KALRN: variants seen among roughly 807,000 people sequenced by gnomAD.
KALRN encodes the protein kalirin.
In KALRN, 70 loss-of-function variants were observed where a neutral mutation model predicts 353.7. The observed-to-expected ratio is 0.20, with a 90% CI of 0.16 to 0.24. The LOEUF is 0.24. Among genes scored for constraint, KALRN ranks in the 10% least tolerant of loss-of-function variants. The probability of loss-of-function intolerance (pLI) is 1.00; values close to 1 mark genes in which losing one functional copy is unlikely to be tolerated. For synonymous variants in KALRN, 1,391 were observed against 1,434.8 expected (o/e 0.97, Z 0.69); for missense variants, 2,791 against 3,756.7 (o/e 0.74, Z 6.72).
intron 1 of KALRN, among the ~76,000 whole-genome samples, chr3:124,196,487 A>G (rs978052887): frequency 6.6e-6 from 1 of 152,148 alleles, no homozygotes; most frequent in Non-Finnish European, 1.5e-5. Context: ...ATATCAAAGA[A>G]ATTCCTCAGG....
At chr3:124,652,421 G>C (rs1259596844) in intron 38 of KALRN, among the ~76,000 whole-genome samples, 2 of 152,222 alleles carry the variant, frequency 1.3e-5, no homozygotes, top group Non-Finnish European at 2.9e-5. Context: ...AAATTTCCTA[G>C]CACTTGCACA....
chr3:124,384,732 G>A (rs538876960), intron 10 of KALRN, 113 bp from the exon 11 acceptor site: 4 of 1,030,588 alleles, frequency 3.9e-6, no homozygotes, highest in African/African-American at 3.2e-5. Context: ...GCCAGATCAG[G>A]GAGCTGTCAG....
At chr3:124,665,613 C>T (rs1378976831) in intron 45 of KALRN, among the ~76,000 whole-genome samples, 1 of 152,180 alleles carries the variant, frequency 6.6e-6, no homozygotes, top group Non-Finnish European at 1.5e-5. Flanking sequence ...TACAGGCACA[C>T]GCCACCACCC....
intron 27 of KALRN, 77 bp from the exon 28 acceptor site, chr3:124,482,731 T>C: frequency 1.1e-6 from 1 of 943,590 alleles, no homozygotes. Flanking sequence ...TTCTGACCCC[T>C]GCCTTTCTCC....
At chr3:124,145,341 G>C (rs1222478465) in intron 1 of KALRN, among the ~76,000 whole-genome samples, 4 of 152,166 alleles carry the variant, frequency 2.6e-5, no homozygotes, top group Non-Finnish European at 5.9e-5. Context: ...CGTTGGAATT[G>C]CCTATGGAAC....
At chr3:124,101,936 G>A (rs531191891) in intron 1 of KALRN, among the ~76,000 whole-genome samples, 1 of 152,228 alleles carries the variant, frequency 6.6e-6, no homozygotes, top group East Asian at 1.9e-4. Flanking sequence ...AGCATGATGT[G>A]TGGGTTCTTT....
chr3:124,375,633 T>C (rs1490598405), intron 10 of KALRN, among the ~76,000 whole-genome samples: 2 of 152,238 alleles, frequency 1.3e-5, no homozygotes, highest in East Asian at 3.8e-4. Context: ...AAATTATACC[T>C]TGTAACTAGT....
intron 33 of KALRN, among the ~76,000 whole-genome samples, chr3:124,530,790 C>G (rs1167543048): frequency 6.6e-6 from 1 of 152,106 alleles, no homozygotes. Context: ...TTATAACTCT[C>G]TCCCTTTCTT....
At position 124,329,849 on chromosome 3, in the gene KALRN, A is replaced by G; in HGVS notation, c.1285-12A>G. 2 of 1,612,088 alleles carry G rather than the reference A, an allele frequency of 1.2e-6. No individual in the cohort carries two copies. The highest frequency in any genetic ancestry group is 1.7e-5 in the Admixed American group (1 of 59,928). On this transcript the variant is annotated splice_polypyrimidine_tract_variant and intron_variant, in intron 7 of 59. Coordinates refer to ENST00000682506, the MANE Select transcript of KALRN (RefSeq NM_001388419.1). ...GTGCTCCCCCACTGATCCACCCTGC[A>G]TCTCCTTCCAGTTCCTGTCGGGAGT...
intron 1 of KALRN, among the ~76,000 whole-genome samples, chr3:124,061,016 C>A (rs2041954496): frequency 6.6e-6 from 1 of 152,220 alleles, no homozygotes; most frequent in African/African-American, 2.4e-5. Context: ...ACTTACAAAG[C>A]ACAGGTTCAA....
At chr3:124,363,043 A>G (rs34157889) in intron 10 of KALRN, among the ~76,000 whole-genome samples, 28,972 of 152,176 alleles carry the variant, frequency 0.19, 3,609 homozygotes, top group East Asian at 0.61. Context: ...TGATCATTGT[A>G]TATTACATAC....
chr3:124,079,253 G>A (rs1420397812), intron 1 of KALRN, among the ~76,000 whole-genome samples: 1 of 152,260 alleles, frequency 6.6e-6, no homozygotes, highest in Non-Finnish European at 1.5e-5. Flanking sequence ...CAGGAAACTT[G>A]ATACCAGAGA....
At chr3:124,586,376 T>C (rs569636384) in intron 34 of KALRN, among the ~76,000 whole-genome samples, 4 of 152,304 alleles carry the variant, frequency 2.6e-5, no homozygotes, top group Non-Finnish European at 4.4e-5. Context: ...ATGTGGGGGC[T>C]GGGGTGGTGC....
intron 13 of KALRN, among the ~76,000 whole-genome samples, chr3:124,402,722 C>T (rs1243956110): frequency 6.6e-6 from 1 of 152,052 alleles, no homozygotes; most frequent in Non-Finnish European, 1.5e-5. Context: ...TCGGTCACTG[C>T]CTAATAATTT....
intron 2 of KALRN, among the ~76,000 whole-genome samples, chr3:124,229,685 G>A (rs562897132): frequency 1.7e-3 from 252 of 152,392 alleles, no homozygotes; most frequent in African/African-American, 5.9e-3. Context: ...GAGAAAAGGC[G>A]AGAGCCTGAT....
chr3:124,039,324 T>C (rs1051458552), intron 1 of KALRN, among the ~76,000 whole-genome samples: 1 of 152,256 alleles, frequency 6.6e-6, no homozygotes, highest in Non-Finnish European at 1.5e-5. Context: ...TTACTCACTG[T>C]CTGTACTCAT....
Position 124,242,662 on chromosome 3 carries a change from T to G in KALRN, c.263+7719T>G, listed in dbSNP as rs549196717. On this transcript the variant is annotated intron_variant, in intron 3 of 59. Transcript: ENST00000682506. ...CGCTTCAGACTTCCTTTCCTGAAGC[T>G]TCTCTTTGGAACCTAAGTGTGAAGG... Among the ~76,000 whole-genome samples, 5 of 152,324 alleles carry G rather than the reference T, an allele frequency of 3.3e-5. No individual in the cohort carries two copies. The East Asian group carries it at 9.6e-4, about 29-fold the overall frequency.
At chr3:124,232,166 G>A (rs2079236437) in intron 2 of KALRN, among the ~76,000 whole-genome samples, 1 of 152,120 alleles carries the variant, frequency 6.6e-6, no homozygotes, top group Non-Finnish European at 1.5e-5. Context: ...TTTATATGGT[G>A]CATTAGCTCC....
chr3:124,235,855 A>G (rs1294817414), intron 3 of KALRN, among the ~76,000 whole-genome samples: 1 of 152,232 alleles, frequency 6.6e-6, no homozygotes, highest in African/African-American at 2.4e-5. Context: ...TAGAAGAATT[A>G]GTGAATTACA....
Sources: allele counts gnomAD v4.1 joint callset (sites outside exome capture counted in the v4.1 genomes callset), GRCh38; gene constraint gnomAD v4.1.1; transcripts MANE v1.5; gene names NCBI Gene and HGNC (gene_info 2026-07-23, HGNC 2026-07-21).